The following IHH variants were observed in gnomAD, a reference collection of about 807,000 sequenced individuals.
The protein encoded by IHH is indian hedgehog protein.
Under a neutral mutation model 29.4 loss-of-function variants are expected in IHH, and 9 were observed. That is an observed-to-expected ratio of 0.31 (90% CI 0.18 to 0.53). The LOEUF is 0.53. Among genes scored for constraint, IHH ranks in the 20% least tolerant of loss-of-function variants. The pLI is 0.95. For missense variants in IHH, 454 were observed against 578.1 expected (o/e 0.79, Z 2.20); for synonymous variants, 254 against 252.7 (o/e 1.01, Z -0.05).
intron 1 of IHH, among the ~76,000 whole-genome samples, chr2:219,058,054 TC>T (rs969747677): frequency 4.6e-5 from 7 of 152,104 alleles, no homozygotes; most frequent in Admixed American, 3.3e-4. Flanking sequence ...CAGCGCCCGG[TC>T]CCTCTGTGCC....
At chr2:219,056,614 G>A (rs1284071172) in intron 2 of IHH, among the ~76,000 whole-genome samples, 2 of 152,204 alleles carry the variant, frequency 1.3e-5, no homozygotes, top group Non-Finnish European at 2.9e-5. Flanking sequence ...GTGGGTCAGG[G>A]TAGGGTCAGG....
intron 2 of IHH, among the ~76,000 whole-genome samples, chr2:219,057,025 G>T (rs532969101): frequency 9.2e-5 from 14 of 152,300 alleles, no homozygotes; most frequent in African/African-American, 3.1e-4. Context: ...TGGGCTCCTG[G>T]TCAGGCATGC....
chr2:219,057,482 G>T lies in IHH; in HGVS notation c.528C>A (p.Asp176Glu). ...GGGCCTTTGACTCGTAATACACCCA[G>T]TCAAAGCCGGCCTCCACTGCCAAGC... ...LARLAVEAGF[D>E]WVYYESKAHV... is the part of the protein sequence containing the mutation. The change falls in exon 2 of 3, where the codon GAC (aspartate) becomes GAA (glutamate). Residue 176 changes from aspartate (D) to glutamate (E), a missense_variant. By Grantham distance (45) the Asp-to-Glu change is conservative. Transcript: ENST00000295731. 6.2e-7 allele frequency: 1 copy of T among 1,609,954 alleles called. No individual in the cohort carries two copies. Among genetic ancestry groups the T allele is most frequent in the Non-Finnish European group, 8.5e-7 (1 of 1,178,314 alleles).
chr2:219,055,345 G>A lies in IHH; in HGVS notation c.1098C>T (p.Leu366=). 1 of 1,613,294 alleles carries A rather than the reference G, an allele frequency of 6.2e-7. No homozygotes were observed. Among genetic ancestry groups the A allele is most frequent in the Non-Finnish European group, 8.5e-7 (1 of 1,180,038 alleles). The change falls in exon 3 of 3, where the codon CTC becomes CTT. Residue 366 remains leucine (L), a synonymous_variant. Transcript: ENST00000295731. The stretch of plus-strand genomic sequence containing the variant: ...AGCTGCCCCATGCCAAGCTGTGAAA[G>A]AGTCTCAGGGGCCAGAAGGCCAACT... ...LAQLAFWPLR[L]FHSLAWGSWT... is the part of the protein sequence containing the mutation.
chr2:219,059,939 C>G lies in IHH; in HGVS notation c.315+214G>C, dbSNP rs987231540. Among the ~76,000 whole-genome samples, 2 of 152,090 alleles carry G rather than the reference C, an allele frequency of 1.3e-5. No homozygotes were observed. The highest frequency in any genetic ancestry group is 2.4e-5 in the African/African-American group (1 of 41,420). On this transcript the variant is annotated intron_variant, in intron 1 of 2. Transcript: ENST00000295731. This position sits in a 1 kb window ranked among gnomAD's most constrained non-coding sequence, Gnocchi z 4.7. ...GGCTGTGGGGCTTGGCAGCGGGGAG[C>G]TCTTCTAGCAGTCTCCTCCGGGCTT...
rs556552427 is a variant in IHH, at chr2:219,054,840, G to A, written c.*367C>T. The A allele has an allele frequency of 3.1e-5, 8 of 257,372 alleles. 1 individual carries two copies. The highest frequency in any genetic ancestry group is 1.2e-4 in the South Asian group (2 of 17,030). The allele number at this position is 257,372 out of a possible 1,614,324, so 15.9% of individuals were successfully genotyped here. ...GGAATTTAGCAGCATCAACTGAGGC[G>A]CAAGCCCACCCAAAGGGGCCTAAGA... On this transcript the variant is annotated 3_prime_UTR_variant, in exon 3 of 3. Transcript: ENST00000295731.
Position 219,057,599 on chromosome 2 carries a change from G to A in IHH, c.411C>T (p.Gly137=). Residue 137 remains glycine, a synonymous_variant, in exon 2 of 3, where the codon GGC becomes GGT. Transcript: ENST00000295731. ...LRVTEGWDED[G]HHSEESLHYE... is the part of the protein sequence containing the mutation. ...AATGCAGGGACTCCTCTGAGTGGTG[G>A]CCGTCCTCGTCCCAGCCCTCGGTCA... The A allele has an allele frequency of 6.2e-7, 1 of 1,614,036 alleles. No individual in the cohort carries two copies. The highest frequency in any genetic ancestry group is 1.1e-5 in the South Asian group (1 of 91,082).
rs1021454052 is a variant in IHH, at chr2:219,059,583, C to T, written c.315+570G>A. Among the ~76,000 whole-genome samples, 2 of 152,158 alleles carry T rather than the reference C, an allele frequency of 1.3e-5. No individual in the cohort carries two copies. Among genetic ancestry groups the T allele is most frequent in the African/African-American group, 2.4e-5 (1 of 41,436 alleles). On this transcript the variant is annotated intron_variant, in intron 1 of 2. Coordinates refer to ENST00000295731, the MANE Select transcript of IHH (RefSeq NM_002181.4). This position sits in a 1 kb window ranked among gnomAD's most constrained non-coding sequence, Gnocchi z 4.7. ...ACACGTGGGCTCGCTGGGCAGGTTC[C>T]TTTTCCCACCTCCGCCTCCCGATTC...
In IHH at chr2:219,060,673, T is replaced by C. The variant is rs2106310962; in HGVS notation, c.-206A>G. Among the ~76,000 whole-genome samples the C allele has an allele frequency of 6.6e-6, 1 of 150,570 alleles. No homozygotes were observed. Among genetic ancestry groups the C allele is most frequent in the East Asian group, 2.0e-4 (1 of 5,104 alleles). On this transcript the variant is annotated 5_prime_UTR_variant, in exon 1 of 3. Transcript: ENST00000295731. The surrounding 1 kb of genome is among the most constrained non-coding windows in gnomAD (Gnocchi z 8.8). Reference sequence around the variant, plus strand: ...AGGGCCCGAGCTGGTGGCGGCGCGCTGTCCCCCTCGGCGCCTCGACTCTGA... The same window carrying C: ...AGGGCCCGAGCTGGTGGCGGCGCGCCGTCCCCCTCGGCGCCTCGACTCTGA...
Position 219,055,398 on chromosome 2 carries a change from C to T in IHH, c.1045G>A (p.Ala349Thr), listed in dbSNP as rs557425123. ...GCCAGGTGGTGGTCAGCCACGGCCGCGAAGCAGGATGCCACCACATCCTCC... is the reference window on the plus strand; with the variant it reads ...GCCAGGTGGTGGTCAGCCACGGCCGTGAAGCAGGATGCCACCACATCCTCC... Reference protein sequence around the residue: ...VVEDVVASCFAAVADHHLAQL... With the variant: ...VVEDVVASCFTAVADHHLAQL... The change falls in exon 3 of 3, where the codon GCG becomes ACG. Residue 349 changes from alanine to threonine, a missense_variant. Ala to Thr is a moderately conservative substitution (Grantham distance 58). Transcript: ENST00000295731. 2.4e-5 allele frequency: 39 copies of T among 1,613,266 alleles called. No individual in the cohort carries two copies. The highest frequency in any genetic ancestry group is 1.0e-4 in the Admixed American group (6 of 60,026).
Position 219,055,577 on chromosome 2 carries a change from C to T in IHH, c.866G>A (p.Arg289His), listed in dbSNP as rs13415309. The change falls in exon 3 of 3, where the codon CGC (arginine) becomes CAC (histidine). Residue 289 changes from arginine to histidine, a missense_variant. Arg to His is a conservative substitution (Grantham distance 29). Coordinates refer to ENST00000295731, the MANE Select transcript of IHH (RefSeq NM_002181.4). ...TADNHTEPAA[R>H]FRATFASHVQ... ...GTGGCTGGCAAATGTGGCCCGGAAG[C>T]GGGCTGCCGGCTCCGTGTGATTGTC... The T allele has an allele frequency of 1.0e-4, 169 of 1,612,960 alleles. No individual in the cohort carries two copies. The highest frequency in any genetic ancestry group is 1.4e-4 in the Non-Finnish European group (160 of 1,179,848).
chr2:219,054,871 G>T lies in IHH; in HGVS notation c.*336C>A. ...CCACCCAAAGGGGCCTAAGATGGAT[G>T]GAATGGGCCCTCCCCAATGGGGGAG... On this transcript the variant is annotated 3_prime_UTR_variant, in exon 3 of 3. Coordinates refer to ENST00000295731, the MANE Select transcript of IHH (RefSeq NM_002181.4). 3.0e-6 allele frequency: 1 copy of T among 328,100 alleles called. No homozygotes were observed. Among genetic ancestry groups the T allele is most frequent in the African/African-American group, 2.1e-5 (1 of 47,050 alleles). 20.3% of individuals were successfully genotyped at this position (328,100 alleles called of 1,614,324 possible). A position where few individuals can be genotyped will look rare whatever the true frequency, so the allele number is the denominator to read the frequency against.
At chr2:219,055,892 T>C in intron 2 of IHH, 27 bp from the exon 3 acceptor site, 1 of 1,593,324 alleles carries the variant, frequency 6.3e-7, no homozygotes, top group Non-Finnish European at 8.5e-7. Flanking sequence ...CATGAAGGTG[T>C]TACTGCTGTG....
At chr2:219,057,971 G>A (rs1948845710) in intron 1 of IHH, among the ~76,000 whole-genome samples, 1 of 152,204 alleles carries the variant, frequency 6.6e-6, no homozygotes, top group African/African-American at 2.4e-5. Flanking sequence ...TCACTGGTAG[G>A]TGGAGGTCCC....
rs1948821766 is a variant in IHH at position 219,055,475 on chromosome 2, T to C, written c.968A>G (p.His323Arg). 3 of 1,610,500 alleles carry C rather than the reference T, an allele frequency of 1.9e-6. No individual in the cohort carries two copies. The highest frequency in any genetic ancestry group is 2.5e-6 in the Non-Finnish European group (3 of 1,178,048). Reference protein sequence around the residue: ...QPARVAAVSTHVALGAYAPLT... With the variant: ...QPARVAAVSTRVALGAYAPLT... ...CGGGGCGTAGGCCCCGAGGGCCACGTGTGTAGAGACAGCTGCCACGCGGGC... is the reference window on the plus strand; with the variant it reads ...CGGGGCGTAGGCCCCGAGGGCCACGCGTGTAGAGACAGCTGCCACGCGGGC... The change falls in exon 3 of 3, where the codon CAC becomes CGC. Residue 323 changes from histidine to arginine, a missense_variant. Transcript: ENST00000295731.
At chr2:219,058,081 C>T (rs1948846580) in intron 1 of IHH, among the ~76,000 whole-genome samples, 1 of 152,216 alleles carries the variant, frequency 6.6e-6, no homozygotes, top group Non-Finnish European at 1.5e-5. Flanking sequence ...GGCAGGAGGG[C>T]CAGCCAGCGG....
rs1574689593 is a variant in IHH at position 219,060,480 on chromosome 2, C to A, written c.-13G>T. ...GGGCGGGAGACATGGCCGGGGAGCC[C>A]GGGGGAGCGGCGGGCGAGGTCTCCT... On this transcript the variant is annotated 5_prime_UTR_variant, in exon 1 of 3. Coordinates refer to ENST00000295731, the MANE Select transcript of IHH (RefSeq NM_002181.4). The surrounding 1 kb of genome is among the most constrained non-coding windows in gnomAD (Gnocchi z 8.8). The A allele has an allele frequency of 6.9e-7, 1 of 1,452,282 alleles. No homozygotes were observed. Among genetic ancestry groups the A allele is most frequent in the Non-Finnish European group, 9.0e-7 (1 of 1,108,700 alleles). The allele number at this position is 1,452,282 out of a possible 1,614,324, so 90.0% of individuals were successfully genotyped here.
intron 1 of IHH, 80 bp from the exon 2 acceptor site, chr2:219,057,774 C>G: frequency 6.5e-7 from 1 of 1,527,576 alleles, no homozygotes; most frequent in African/African-American, 1.4e-5. Flanking sequence ...TAGGCGCAGC[C>G]TCGCCCAGAA....
chr2:219,060,534 G>A lies in IHH; in HGVS notation c.-67C>T. The A allele has an allele frequency of 8.4e-7, 1 of 1,191,752 alleles. No homozygotes were observed. The highest frequency in any genetic ancestry group is 1.1e-6 in the Non-Finnish European group (1 of 919,558). The allele number at this position is 1,191,752 out of a possible 1,614,324, so 73.8% of individuals were successfully genotyped here. A position where few individuals can be genotyped will look rare whatever the true frequency, so the allele number is the denominator to read the frequency against. ...GGGCTGATGGGCAGGCGCGTCGACG[G>A]GAGCGCTGCGGGGGCTCAGGCGTCC... On this transcript the variant is annotated 5_prime_UTR_variant, in exon 1 of 3. Transcript: ENST00000295731. The surrounding 1 kb of genome is among the most constrained non-coding windows in gnomAD (Gnocchi z 8.8).
Sources: allele counts gnomAD v4.1 joint callset (sites outside exome capture counted in the v4.1 genomes callset), GRCh38; gene constraint gnomAD v4.1.1; non-coding constraint Gnocchi (gnomAD v3.1); transcripts MANE v1.5; gene names NCBI Gene and HGNC (gene_info 2026-07-23, HGNC 2026-07-21).